The following DPYD variants were observed in gnomAD, a reference collection of about 807,000 sequenced individuals.
The protein encoded by DPYD is dihydropyrimidine dehydrogenase [NADP(+)].
In DPYD, 109 loss-of-function variants were observed where a neutral mutation model predicts 116.2. That is an observed-to-expected ratio of 0.94 (90% confidence interval 0.80 to 1.10). The LOEUF (loss-of-function observed/expected upper bound fraction) is 1.10, where lower values mean the gene tolerates loss of function less well. Among genes scored for constraint, DPYD ranks in the 50% least tolerant of loss-of-function variants. The pLI is 0.00. For missense variants in DPYD, 1,302 were observed against 1,254.5 expected, an observed-to-expected ratio of 1.04 and a Z score of -0.57; for synonymous variants, 440 against 432.0, an observed-to-expected ratio of 1.02 and a Z score of -0.23.
chr1:97,122,862 G>C (rs1466996453), intron 20 of DPYD, among the ~76,000 whole-genome samples: 6 of 152,030 alleles, frequency 3.9e-5, no homozygotes, highest in Admixed American at 3.3e-4. Context: ...GACCTGAGAA[G>C]AATGTGACTA....
intron 10 of DPYD, among the ~76,000 whole-genome samples, chr1:97,591,152 C>T (rs1441355357): frequency 6.6e-6 from 1 of 152,116 alleles, no homozygotes; most frequent in Non-Finnish European, 1.5e-5. Context: ...ACTTCCTCAT[C>T]TCTTTGTTCA....
intron 12 of DPYD, among the ~76,000 whole-genome samples, chr1:97,529,250 A>T (rs1327587481): frequency 1.3e-5 from 2 of 152,180 alleles, no homozygotes; most frequent in Non-Finnish European, 2.9e-5. Context: ...CCCATGATCT[A>T]AAATATTTCC....
chr1:97,374,111 C>T (rs1408370068), intron 15 of DPYD, among the ~76,000 whole-genome samples: 1 of 152,054 alleles, frequency 6.6e-6, no homozygotes, highest in Non-Finnish European at 1.5e-5. Context: ...ATAACTGATG[C>T]TGGGATTAGG....
intron 8 of DPYD, among the ~76,000 whole-genome samples, chr1:97,595,435 T>C (rs1654816506): frequency 6.6e-6 from 1 of 151,976 alleles, no homozygotes; most frequent in African/African-American, 2.4e-5. Flanking sequence ...TATACACACA[T>C]AAACATATAT....
chr1:97,724,483 T>C (rs184638501), intron 4 of DPYD, among the ~76,000 whole-genome samples: 7 of 151,540 alleles, frequency 4.6e-5, no homozygotes, highest in Admixed American at 2.0e-4. Context: ...CAAGTCTCAG[T>C]TGGAAGGCCT....
chr1:97,238,883 G>A (rs1662130893), intron 18 of DPYD, among the ~76,000 whole-genome samples: 1 of 152,144 alleles, frequency 6.6e-6, no homozygotes, highest in South Asian at 2.1e-4. Context: ...TGAACCTAAT[G>A]GGGAATTCAG....
intron 16 of DPYD, among the ~76,000 whole-genome samples, chr1:97,325,190 C>T (rs1341981971): frequency 6.6e-6 from 1 of 151,902 alleles, no homozygotes; most frequent in Non-Finnish European, 1.5e-5. Context: ...AAACTTTGCG[C>T]TTTTTTTCAC....
chr1:97,612,857 A>T (rs1656033752), intron 8 of DPYD, among the ~76,000 whole-genome samples: 6 of 151,972 alleles, frequency 3.9e-5, no homozygotes, highest in Admixed American at 3.3e-4. Context: ...TTCTATGAGC[A>T]TGTGCTTCTC....
In DPYD at chr1:97,593,374, A is replaced by G; in HGVS notation, c.972T>C (p.Cys324=). 1 of 1,614,162 alleles carries G rather than the reference A, an allele frequency of 6.2e-7. No individual in the cohort carries two copies. Among genetic ancestry groups the G allele is most frequent in the Non-Finnish European group, 8.5e-7 (1 of 1,180,006 alleles). ...CCCGTATCGATGGCAATGGAGAGTG[A>G]CAGGCGCACATTCCTGAATGATGAA... ...AKGSKAGMCA[C]HSPLPSIRGV... The change falls in exon 10 of 23, where the codon TGT becomes TGC. Residue 324 remains cysteine, a synonymous_variant. Transcript: ENST00000370192.
intron 1 of DPYD, among the ~76,000 whole-genome samples, chr1:97,889,947 A>C (rs1672696977): frequency 2.0e-5 from 3 of 152,042 alleles, no homozygotes; most frequent in Admixed American, 2.0e-4. Flanking sequence ...AACAGAAAGA[A>C]ATTTGGAAAA....
At chr1:97,417,633 T>G (rs1242559191) in intron 14 of DPYD, among the ~76,000 whole-genome samples, 1 of 152,240 alleles carries the variant, frequency 6.6e-6, no homozygotes, top group Non-Finnish European at 1.5e-5. Flanking sequence ...TATTTGATTT[T>G]GAATTTATTT....
intron 8 of DPYD, among the ~76,000 whole-genome samples, chr1:97,618,357 T>C (rs1365198765): frequency 6.6e-6 from 1 of 150,924 alleles, no homozygotes; most frequent in Admixed American, 6.7e-5. Context: ...CATGTAATTA[T>C]TCTGTCAAGG....
At chr1:97,462,804 A>C (rs1422758672) in intron 13 of DPYD, among the ~76,000 whole-genome samples, 26 of 152,168 alleles carry the variant, frequency 1.7e-4, no homozygotes, top group Admixed American at 1.6e-3. Flanking sequence ...TTCCTTTTCC[A>C]GGTCTTTTCC....
At chr1:97,807,733 T>G (rs984675721) in intron 3 of DPYD, among the ~76,000 whole-genome samples, 2 of 152,262 alleles carry the variant, frequency 1.3e-5, no homozygotes, top group East Asian at 3.9e-4. Flanking sequence ...ACATCTATAT[T>G]TTCTATGTTA....
At chr1:97,851,197 A>C (rs1241494855) in intron 2 of DPYD, among the ~76,000 whole-genome samples, 1 of 151,564 alleles carries the variant, frequency 6.6e-6, no homozygotes, top group Non-Finnish European at 1.5e-5. Flanking sequence ...ACACTATGAT[A>C]AGTTTCTAAC....
intron 19 of DPYD, among the ~76,000 whole-genome samples, chr1:97,223,000 AT>A (rs1660875357): frequency 6.6e-6 from 1 of 151,952 alleles, no homozygotes; most frequent in Admixed American, 6.6e-5. Flanking sequence ...AGGGTGCAAA[AT>A]TTTTATCACC....
intron 2 of DPYD, among the ~76,000 whole-genome samples, chr1:97,872,143 T>C (rs909338984): frequency 5.3e-5 from 8 of 151,866 alleles, no homozygotes; most frequent in Admixed American, 4.6e-4. Context: ...ACTGAGCTCT[T>C]TGGGTTCCAC....
intron 14 of DPYD, among the ~76,000 whole-genome samples, chr1:97,387,530 C>A (rs944098738): frequency 6.6e-5 from 10 of 151,902 alleles, no homozygotes; most frequent in South Asian, 2.1e-4. Flanking sequence ...AATTGTTAGA[C>A]CTATTTATAA....
rs538960218 is a variant in DPYD at position 97,588,641 on chromosome 1, G to A, written c.1128+4577C>T. ...TTTAAGCTTGCAGAAAGTACTGGAG[G>A]GAATTATTAACAGATTTTCCCTCAT... is the stretch of plus-strand genomic sequence containing the variant. On this transcript the variant is annotated intron_variant, in intron 10 of 22. Transcript: ENST00000370192. Among the ~76,000 whole-genome samples, 36 of 152,144 alleles carry A rather than the reference G, an allele frequency of 2.4e-4. No individual in the cohort carries two copies. In the South Asian group the frequency reaches 7.1e-3, roughly 30 times the overall value.
Sources: allele counts gnomAD v4.1 joint callset (sites outside exome capture counted in the v4.1 genomes callset), GRCh38; gene constraint gnomAD v4.1.1; transcripts MANE v1.5; gene names NCBI Gene and HGNC (gene_info 2026-07-23, HGNC 2026-07-21).